Variants in ANO4 observed in about 807,000 individuals in gnomAD.
ANO4 encodes the protein anoctamin 4, also known as anoctamin-4.
Under a neutral mutation model 141.9 loss-of-function variants are expected in ANO4, and 69 were observed. The ratio of observed to expected loss-of-function variants is 0.49; its 90% CI spans 0.40 to 0.59. ANO4 has a LOEUF of 0.59. Ranked by LOEUF, ANO4 falls within the 20% of genes least tolerant of loss-of-function variation. The pLI, the probability that ANO4 is intolerant of heterozygous loss-of-function variation, is 0.00. For missense variants in ANO4, 894 were observed against 1,162.2 expected (o/e 0.77, Z 3.36); for synonymous variants, 350 against 394.3 (o/e 0.89, Z 1.33).
At chr12:100,761,434 G>A (rs1476542802) in intron 3 of ANO4, among the ~76,000 whole-genome samples, 1 of 152,188 alleles carries the variant, frequency 6.6e-6, no homozygotes, top group Non-Finnish European at 1.5e-5. Context: ...AAAGGTGGAT[G>A]GGGCAAATTC....
chr12:100,869,574 T>A (rs1332216941), intron 1 of ANO4, among the ~76,000 whole-genome samples: 4 of 152,202 alleles, frequency 2.6e-5, no homozygotes, highest in African/African-American at 9.7e-5. Flanking sequence ...TATGAGCTGA[T>A]CATGTACTTG....
intron 17 of ANO4, among the ~76,000 whole-genome samples, chr12:101,093,061 A>G (rs971437536): frequency 4.6e-5 from 7 of 152,176 alleles, no homozygotes; most frequent in African/African-American, 1.7e-4. Flanking sequence ...GGGTATGACT[A>G]ACCTATGTCA....
rs117386900 is a variant in ANO4 at position 100,719,765 on chromosome 12, C to T, written c.22+2218C>T. Among the ~76,000 whole-genome samples the T allele has an allele frequency of 3.7e-3, 570 of 152,264 alleles. 19 individuals are homozygous for T. The East Asian group carries it at 0.062, about 17-fold the overall frequency. On this transcript the variant is annotated intron_variant, in intron 1 of 29. Coordinates refer to the ANO4 transcript ENST00000644049. ...AGCCTCTAGTAATCCTCATTAGCTT[C>T]CCTTCTAATATGCATTTCTGATCCC...
At chr12:100,901,947 T>G in intron 2 of ANO4, 107 bp downstream of exon 2, 1 of 1,129,142 alleles carries the variant, frequency 8.9e-7, no homozygotes, top group Admixed American at 2.7e-5. Context: ...CTAAGCTTGC[T>G]TTTGTTAGGA....
intron 1 of ANO4, among the ~76,000 whole-genome samples, chr12:100,896,443 A>G (rs539037298): frequency 2.6e-5 from 4 of 152,320 alleles, no homozygotes; most frequent in Admixed American, 2.6e-4. Flanking sequence ...GATTCTCCCC[A>G]GAGCTTCTGT....
intron 5 of ANO4, among the ~76,000 whole-genome samples, chr12:100,954,125 T>C (rs939384750): frequency 6.6e-6 from 1 of 152,190 alleles, no homozygotes; most frequent in Admixed American, 6.5e-5. Flanking sequence ...TCTTTAAAAT[T>C]CTTCCCTAGT....
intron 2 of ANO4, among the ~76,000 whole-genome samples, chr12:100,913,078 A>G (rs1333566915): frequency 1.3e-5 from 2 of 152,138 alleles, no homozygotes; most frequent in Non-Finnish European, 2.9e-5. Flanking sequence ...TTGCTGAGTA[A>G]CAACATTATT....
intron 3 of ANO4, among the ~76,000 whole-genome samples, chr12:100,741,143 G>T (rs2031846188): frequency 6.6e-6 from 1 of 152,094 alleles, no homozygotes; most frequent in Non-Finnish European, 1.5e-5. Context: ...CTGAGTTGGA[G>T]GTTTAAATTA....
chr12:100,890,946 C>T (rs1218373881), intron 1 of ANO4, among the ~76,000 whole-genome samples: 1 of 152,142 alleles, frequency 6.6e-6, no homozygotes, highest in Non-Finnish European at 1.5e-5. Context: ...CTGCCTATTT[C>T]TCCCTCCTTT....
intron 17 of ANO4, among the ~76,000 whole-genome samples, chr12:101,092,091 T>C (rs938410578): frequency 1.3e-5 from 2 of 152,084 alleles, no homozygotes; most frequent in African/African-American, 2.4e-5. Context: ...CCCAATATGG[T>C]GGTTGCAAGC....
At chr12:100,763,118 T>C (rs1430753146) in intron 3 of ANO4, among the ~76,000 whole-genome samples, 1 of 152,180 alleles carries the variant, frequency 6.6e-6, no homozygotes, top group Non-Finnish European at 1.5e-5. Flanking sequence ...TCAAAAACCA[T>C]GCCTGCTTGG....
At chr12:100,962,789 G>A (rs1440887325) in intron 5 of ANO4, among the ~76,000 whole-genome samples, 1 of 152,126 alleles carries the variant, frequency 6.6e-6, no homozygotes, top group African/African-American at 2.4e-5. Context: ...CTTTTTTAAG[G>A]ACTCATCTAA....
rs187211615 is a variant in ANO4 at position 100,912,476 on chromosome 12, G to A, written c.56-9750G>A. 4.3e-3 allele frequency among the ~76,000 whole-genome samples: 642 copies of A among 150,286 alleles called. 4 individuals carry two copies. The highest frequency in any genetic ancestry group is 0.014 in the African/African-American group (583 of 40,996). ...TTGAATCCGGGAGACAGAGGTGGCA[G>A]TGAGCTGAGATTGTGCCACTGCACT... On this transcript the variant is annotated intron_variant, in intron 2 of 27. Transcript: ENST00000392977.
intron 1 of ANO4, among the ~76,000 whole-genome samples, chr12:100,836,011 A>G (rs1366817552): frequency 1.3e-5 from 2 of 152,190 alleles, no homozygotes; most frequent in African/African-American, 4.8e-5. Flanking sequence ...TGAAGGCCCT[A>G]TTCATTGGGT....
intron 5 of ANO4, among the ~76,000 whole-genome samples, chr12:100,958,928 G>T (rs2043287126): frequency 6.6e-6 from 1 of 152,136 alleles, no homozygotes; most frequent in Admixed American, 6.5e-5. Flanking sequence ...GGGTATGAGA[G>T]CACTAAGGGA....
At chr12:100,832,926 A>G (rs2036704385) in intron 1 of ANO4, among the ~76,000 whole-genome samples, 1 of 152,104 alleles carries the variant, frequency 6.6e-6, no homozygotes, top group African/African-American at 2.4e-5. Context: ...AACACTTTAA[A>G]CACTTATACT....
At chr12:101,070,970 A>G (rs993543874) in intron 14 of ANO4, among the ~76,000 whole-genome samples, 1 of 152,214 alleles carries the variant, frequency 6.6e-6, no homozygotes, top group Admixed American at 6.5e-5. Flanking sequence ...ACAATGAGAT[A>G]TCATCTCTCC....
At chr12:101,064,058 G>T (rs2048471577) in intron 14 of ANO4, among the ~76,000 whole-genome samples, 1 of 151,608 alleles carries the variant, frequency 6.6e-6, no homozygotes, top group Non-Finnish European at 1.5e-5. Flanking sequence ...TGTTCCTCAT[G>T]CTTGCTTTGC....
At chr12:100,806,238 T>C (rs1277252836) in intron 1 of ANO4, among the ~76,000 whole-genome samples, 1 of 152,158 alleles carries the variant, frequency 6.6e-6, no homozygotes, top group Non-Finnish European at 1.5e-5. Flanking sequence ...AAAATTCTGA[T>C]GGCTCTTACT....
Sources: gnomAD v4.1 joint callset for allele counts (sites outside exome capture counted in the v4.1 genomes callset) on GRCh38, gnomAD v4.1.1 for gene constraint, MANE v1.5 for transcripts, NCBI Gene and HGNC (gene_info 2026-07-23, HGNC 2026-07-21) for gene names.